Variants in SI observed in about 807,000 individuals in gnomAD.
SI encodes sucrase-isomaltase, intestinal.
A neutral mutation model predicts 253.3 loss-of-function variants in SI; 235 were observed. That is an observed-to-expected ratio of 0.93 (90% CI 0.83 to 1.03). SI has a LOEUF of 1.03. Ranked by LOEUF, SI falls within the 50% of genes least tolerant of loss-of-function variation. The probability of loss-of-function intolerance (pLI) is 0.00; values close to 1 mark genes in which losing one functional copy is unlikely to be tolerated. For synonymous variants in SI, 819 were observed against 712.0 expected (o/e 1.15, Z -2.39); for missense variants, 2,442 against 2,211.1 (o/e 1.10, Z -2.09).
At position 164,991,397 on chromosome 3, in the gene SI, A is replaced by T; in HGVS notation, c.5064T>A (p.Gly1688=). 1 of 1,613,708 alleles carries T rather than the reference A, an allele frequency of 6.2e-7. No homozygotes were observed. The part of the protein sequence containing the change: ...YDTINLHVRG[G]HILPCQEPAQ... ...CTGGCTCTTGACATGGTAGGATGTG[A>T]CCACCACGGACATGTAGGTTTATTG... Residue 1688 remains glycine (G), a synonymous_variant, in exon 44 of 48, where the codon GGT becomes GGA. Transcript: ENST00000264382.
At chr3:165,082,060 G>A (rs1262328891), upstream of SI, among the ~76,000 whole-genome samples, 3 of 151,852 alleles carry the variant, frequency 2.0e-5, no homozygotes, top group Non-Finnish European at 4.4e-5. Context: ...CTTTTTAGAT[G>A]TATCTCTAGA....
In SI at chr3:165,059,999, T is replaced by A; in HGVS notation, c.1049A>T (p.Tyr350Phe). The part of the protein sequence containing the change: ...QLVGLPAMPA[Y>F]WNLGFQLSRW... ...ACTTAGTTGGAATCCAAGATTCCAA[T>A]ATGCTGGCATTGCTGGTAGTCCAAC... Residue 350 changes from tyrosine (Y) to phenylalanine (F), a missense_variant, in exon 10 of 48, where the codon TAT becomes TTT. Tyr to Phe is a conservative substitution (Grantham distance 22). Transcript: ENST00000264382. The A allele has an allele frequency of 4.3e-6, 7 of 1,611,420 alleles. No homozygotes were observed. The highest frequency in any genetic ancestry group is 5.9e-6 in the Non-Finnish European group (7 of 1,178,072).
Position 164,992,235 on chromosome 3 carries a change from T to C in SI, c.4927-2A>G, listed in dbSNP as rs747409584. The C allele has an allele frequency of 1.2e-6, 2 of 1,612,868 alleles. No individual in the cohort carries two copies. Among genetic ancestry groups the C allele is most frequent in the South Asian group, 1.1e-5 (1 of 91,048 alleles). On this transcript the variant is annotated splice_acceptor_variant, in intron 42 of 47. Coordinates refer to ENST00000264382, the MANE Select transcript of SI (RefSeq NM_001041.4). LOFTEE classifies it high-confidence loss of function. ...GTAGGCATTTACAGTTTGAACATAC[T>C]GGAATGTAAATAAATAGCCATTAGT...
Position 165,018,025 on chromosome 3 carries a change from A to C in SI, c.3465T>G (p.Ala1155=), listed in dbSNP as rs749768237. The C allele has an allele frequency of 5.0e-6, 8 of 1,611,504 alleles. No homozygotes were observed. Among genetic ancestry groups the C allele is most frequent in the Non-Finnish European group, 6.8e-6 (8 of 1,177,946 alleles). Residue 1155 remains alanine, a synonymous_variant, in exon 29 of 48, where the codon GCT becomes GCG. Coordinates refer to ENST00000264382, the MANE Select transcript of SI (RefSeq NM_001041.4). The stretch of plus-strand genomic sequence containing the variant: ...CATGAGCATTGCCCTCCTCTTCCAG[A>C]GCCATGTAATAGGGATGAAATCCAT... ...NSYGFHPYYM[A]LEEEGNAHGV...
rs1229699905 is a variant in SI at position 164,994,278 on chromosome 3, A to G, written c.4820T>C (p.Val1607Ala). 1 of 1,611,030 alleles carries G rather than the reference A, an allele frequency of 6.2e-7. No homozygotes were observed. Among genetic ancestry groups the G allele is most frequent in the Non-Finnish European group, 8.5e-7 (1 of 1,177,900 alleles). ...TTACTCATGCAAAAGGGGTCGGATAACAGTGCCACCATTAGCATGAATTTC... is the reference window on the plus strand; with the variant it reads ...TTACTCATGCAAAAGGGGTCGGATAGCAGTGCCACCATTAGCATGAATTTC... ...MHEIHANGGT[V>A]IRPLLHEFFD... is the part of the protein sequence containing the mutation. The change falls in exon 41 of 48, where the codon GTT (valine) becomes GCT (alanine). Residue 1607 changes from valine (V) to alanine (A), a missense_variant. Coordinates refer to ENST00000264382, the MANE Select transcript of SI (RefSeq NM_001041.4).
rs772412723 is a variant in SI at position 165,059,085 on chromosome 3, A to G, written c.1279-3T>C. ...CGACCTATGGAAATTGCAGGGTCCT[A>G]ATAATAGAAAGCAGAAACTGCAAAA... is the stretch of plus-strand genomic sequence containing the variant. On this transcript the variant is annotated splice_polypyrimidine_tract_variant and splice_region_variant and intron_variant, in intron 11 of 47. Transcript: ENST00000264382. 6.2e-7 allele frequency: 1 copy of G among 1,611,514 alleles called. No individual in the cohort carries two copies. Among genetic ancestry groups the G allele is most frequent in the African/African-American group, 1.3e-5 (1 of 74,744 alleles).
chr3:164,984,378 A>G (rs893874509), intron 45 of SI, among the ~76,000 whole-genome samples: 1 of 152,132 alleles, frequency 6.6e-6, no homozygotes, highest in Non-Finnish European at 1.5e-5. Flanking sequence ...TAATATATGT[A>G]TGGCTAATTT....
At chr3:164,981,717 T>C (rs1055768673) in intron 47 of SI, among the ~76,000 whole-genome samples, 4 of 152,124 alleles carry the variant, frequency 2.6e-5, no homozygotes, top group Non-Finnish European at 4.4e-5. Context: ...TTTTTTTCTA[T>C]TCAATTGGAT....
chr3:165,086,550 G>A, the SI span, among the ~76,000 whole-genome samples: 35 of 152,266 alleles, frequency 2.3e-4, no homozygotes, highest in East Asian at 6.6e-3. Context: ...GCTTCAAAAT[G>A]TCTAGATTCT....
chr3:165,080,280 A>T (rs1715260961), upstream of SI, among the ~76,000 whole-genome samples: 3 of 152,054 alleles, frequency 2.0e-5, no homozygotes, highest in African/African-American at 7.2e-5. Flanking sequence ...GAGAGCAAAG[A>T]TTCTTTCCAG....
intron 37 of SI, among the ~76,000 whole-genome samples, chr3:165,003,935 A>G (rs1204781723): frequency 6.6e-6 from 1 of 152,066 alleles, no homozygotes; most frequent in East Asian, 1.9e-4. Flanking sequence ...TGGTGGGAGT[A>G]AGTCCTTACT....
At chr3:165,080,011 G>A (rs1715246292), upstream of SI, among the ~76,000 whole-genome samples, 1 of 151,886 alleles carries the variant, frequency 6.6e-6, no homozygotes, top group African/African-American at 2.4e-5. Flanking sequence ...CAAGCTGATT[G>A]TAAATTTTGT....
At chr3:165,059,864 C>A in intron 10 of SI, 38 bp downstream of exon 10, 1 of 1,598,292 alleles carries the variant, frequency 6.3e-7, no homozygotes, top group Non-Finnish European at 8.6e-7. Context: ...CAATATTTAA[C>A]TTGATATATA....
intron 18 of SI, 42 bp downstream of exon 18, chr3:165,040,898 A>G (rs1395258213): frequency 6.7e-7 from 1 of 1,500,194 alleles, no homozygotes; most frequent in African/African-American, 1.4e-5. Context: ...GTTTGAACAT[A>G]CTTTAAAAGG....
At chr3:165,065,760 C>T (rs539703242) in intron 6 of SI, among the ~76,000 whole-genome samples, 10 of 151,588 alleles carry the variant, frequency 6.6e-5, no homozygotes, top group Admixed American at 1.3e-4. Context: ...TTAGGGATCA[C>T]AAACTGGTAG....
At chr3:165,057,588 G>C (rs1299099493) in intron 12 of SI, among the ~76,000 whole-genome samples, 1 of 151,712 alleles carries the variant, frequency 6.6e-6, no homozygotes, top group African/African-American at 2.4e-5. Flanking sequence ...AAAAGCAGCA[G>C]GATAAAGGAG....
chr3:165,031,714 C>T (rs1712255516), intron 24 of SI, among the ~76,000 whole-genome samples: 1 of 150,506 alleles, frequency 6.6e-6, no homozygotes, highest in East Asian at 1.9e-4. Context: ...GGTAATATTA[C>T]TAATAATTTA....
chr3:165,060,287 A>T (rs1250919693), intron 9 of SI, among the ~76,000 whole-genome samples: 1 of 152,026 alleles, frequency 6.6e-6, no homozygotes, highest in East Asian at 1.9e-4. Context: ...AGCATATCAG[A>T]AAGTAGCTTT....
intron 37 of SI, among the ~76,000 whole-genome samples, chr3:165,006,096 T>C (rs1339962102): frequency 1.3e-5 from 2 of 152,142 alleles, no homozygotes; most frequent in Non-Finnish European, 2.9e-5. Context: ...AATAATGAAT[T>C]TATTTATTTT....
Sources: allele counts gnomAD v4.1 joint callset (sites outside exome capture counted in the v4.1 genomes callset), GRCh38; gene constraint gnomAD v4.1.1; transcripts MANE v1.5; gene names NCBI Gene and HGNC (gene_info 2026-07-23, HGNC 2026-07-21).